Variants in PELP1 observed in about 807,000 individuals in gnomAD.
PELP1 encodes the protein proline, glutamate and leucine rich protein 1.
PELP1 carries 32 observed loss-of-function variants against 95.5 expected under a neutral mutation model. The observed-to-expected ratio is 0.34, with a 90% CI of 0.25 to 0.45. The LOEUF is 0.45. Ranked by LOEUF, PELP1 falls within the 20% of genes least tolerant of loss-of-function variation. The pLI is 1.00. For missense variants in PELP1, 1,358 were observed against 1,444.8 expected, an observed-to-expected ratio of 0.94 and a Z score of 0.97; for synonymous variants, 668 against 600.1, an observed-to-expected ratio of 1.11 and a Z score of -1.65.
At chr17:4,701,693 T>C (rs909839483) in intron 1 of PELP1, among the ~76,000 whole-genome samples, 2 of 152,214 alleles carry the variant, frequency 1.3e-5, no homozygotes, top group African/African-American at 4.8e-5. Flanking sequence ...CTGACTTTCA[T>C]TTCTCATCTT....
At position 4,672,720 on chromosome 17, in the gene PELP1, C is replaced by G. The variant is rs777027416; in HGVS notation, c.2271G>C (p.Gly757=). The G allele has an allele frequency of 3.1e-6, 5 of 1,613,418 alleles. No individual in the cohort carries two copies. The highest frequency in any genetic ancestry group is 1.7e-4 in the Middle Eastern group (1 of 6,052). Residue 757 remains glycine (G), a synonymous_variant, in exon 16 of 17, where the codon GGG becomes GGC. Transcript: ENST00000572293. The part of the protein sequence containing the change: ...PPTIPPDETF[G]GRVPRPAFVH... The stretch of plus-strand genomic sequence containing the variant: ...CAAAGGCTGGTCTGGGCACTCTCCC[C>G]CCAAAAGTTTCATCTGGGGGTATAG...
rs556867123 is a variant in PELP1 at position 4,669,926 on chromosome 17, G to A, written c.*1513C>T. The A allele has an allele frequency of 6.6e-5, 10 of 152,100 alleles. No individual in the cohort carries two copies. The highest frequency in any genetic ancestry group is 1.9e-4 in the African/African-American group (8 of 41,476). 9.4% of individuals were successfully genotyped at this position (152,100 alleles called of 1,614,324 possible). On this transcript the variant is annotated 3_prime_UTR_variant, in exon 17 of 17. Coordinates refer to ENST00000572293, the MANE Select transcript of PELP1 (RefSeq NM_014389.3). ...AAGAATCTGGGATGGGAAGGGCCAC[G>A]GTGTCTACAGCTTACTTTCACGTGG...
At chr17:4,683,284 G>A (rs1388241293) in intron 3 of PELP1, among the ~76,000 whole-genome samples, 12 of 148,334 alleles carry the variant, frequency 8.1e-5, no homozygotes, top group East Asian at 2.0e-4. Context: ...GCAGTGGCGC[G>A]ATCTCGGCTC....
At chr17:4,689,752 G>T (rs1390261782) in intron 3 of PELP1, among the ~76,000 whole-genome samples, 1 of 152,230 alleles carries the variant, frequency 6.6e-6, no homozygotes, top group Admixed American at 6.5e-5. Flanking sequence ...TGTGGGCCAG[G>T]AGTGGCGGCT....
In PELP1 at chr17:4,671,974, A is replaced by G. The variant is rs767200600; in HGVS notation, c.3017T>C (p.Leu1006Pro). The G allele has an allele frequency of 6.5e-7, 1 of 1,541,348 alleles. No individual in the cohort carries two copies. The highest frequency in any genetic ancestry group is 8.7e-7 in the Non-Finnish European group (1 of 1,148,690). ...QPEPEPEPGL[L>P]LEVEEPGTEE... Reference sequence around the variant, plus strand: ...CGTCCCTGGCTCCTCCACTTCCAAAAGCAGCCCGGGTTCAGGTTCGGGTTC... The same window carrying G: ...CGTCCCTGGCTCCTCCACTTCCAAAGGCAGCCCGGGTTCAGGTTCGGGTTC... The change falls in exon 16 of 17, where the codon CTT becomes CCT. Residue 1006 changes from leucine (L) to proline (P), a missense_variant. By Grantham distance (98) the Leu-to-Pro change is moderately conservative. Transcript: ENST00000572293.
intron 5 of PELP1, among the ~76,000 whole-genome samples, chr17:4,677,667 G>A (rs897181691): frequency 3.3e-5 from 5 of 152,156 alleles, no homozygotes; most frequent in South Asian, 4.1e-4. Flanking sequence ...AGTAGCTCAC[G>A]CCTGTAATCC....
At chr17:4,703,122 A>C (rs1913612740) in intron 1 of PELP1, among the ~76,000 whole-genome samples, 1 of 152,122 alleles carries the variant, frequency 6.6e-6, no homozygotes, top group South Asian at 2.1e-4. Context: ...ACCCGGCCTA[A>C]AACGCTCTGC....
chr17:4,682,300 T>C (rs1211476580), intron 5 of PELP1, among the ~76,000 whole-genome samples: 3 of 152,228 alleles, frequency 2.0e-5, no homozygotes, highest in African/African-American at 4.8e-5. Context: ...CTGCTGATCT[T>C]AGCAAGTTCT....
chr17:4,699,897 ATTTTTTT>A (rs34806511), intron 1 of PELP1, among the ~76,000 whole-genome samples: 1 of 86,740 alleles, frequency 1.2e-5, no homozygotes, highest in African/African-American at 4.7e-5. Flanking sequence ...CTAGAGGGTG[ATTTTTTT>A]TTTTTTTTTT....
intron 3 of PELP1, among the ~76,000 whole-genome samples, chr17:4,684,108 C>G (rs1324151200): frequency 6.6e-6 from 1 of 152,008 alleles, no homozygotes; most frequent in Non-Finnish European, 1.5e-5. Context: ...AAAGGACTTC[C>G]TTAGAAAATT....
At chr17:4,690,861 G>T in intron 3 of PELP1, 27 bp downstream of exon 3, 1 of 1,405,918 alleles carries the variant, frequency 7.1e-7, no homozygotes, top group Non-Finnish European at 1.0e-6. Flanking sequence ...GGAGGAGGAG[G>T]AAGTAGGGCA....
chr17:4,682,668 A>G (rs1353648158), intron 4 of PELP1, 95 bp from the exon 5 acceptor site: 14 of 1,447,566 alleles, frequency 9.7e-6, no homozygotes, highest in Non-Finnish European at 1.2e-5. Context: ...TTCTCCAGAA[A>G]TCACTTTTTC....
rs192741468 is a variant in PELP1, at chr17:4,674,992, G to C, written c.1275-36C>G. ...AGCAAAGATGGCAGTTATGAATGGG[G>C]GGTCAACATGCCAGAAGCCCCAGCC... On this transcript the variant is annotated intron_variant, in intron 11 of 16. Transcript: ENST00000572293. 10 of 1,605,434 alleles carry C rather than the reference G, an allele frequency of 6.2e-6. No individual in the cohort carries two copies. The African/African-American group carries it at 1.2e-4, about 19-fold the overall frequency.
intron 1 of PELP1, among the ~76,000 whole-genome samples, chr17:4,700,771 T>G (rs1913491507): frequency 6.7e-6 from 1 of 150,130 alleles, no homozygotes; most frequent in Admixed American, 6.7e-5. Context: ...CAAAAAAAAT[T>G]TTTAAATTAG....
At chr17:4,699,379 C>T (rs1323393874) in intron 1 of PELP1, among the ~76,000 whole-genome samples, 3 of 148,286 alleles carry the variant, frequency 2.0e-5, no homozygotes, top group African/African-American at 7.5e-5. Context: ...GACTCCATCT[C>T]AAAAAGAAAA....
At position 4,673,665 on chromosome 17, in the gene PELP1, C is replaced by T. The variant is rs760690670; in HGVS notation, c.1592G>A (p.Arg531Gln). The T allele has an allele frequency of 1.2e-5, 20 of 1,613,762 alleles. No individual in the cohort carries two copies. The highest frequency in any genetic ancestry group is 1.5e-5 in the Non-Finnish European group (18 of 1,179,718). Reference protein sequence around the residue: ...VCAAALRGLSRTILMCGPLIK... With the variant: ...VCAAALRGLSQTILMCGPLIK... ...GAGAGGCCCACACATGAGGATGGTC[C>T]GGCTGAGGCCTGGGGAAGAAGAATG... Residue 531 changes from arginine to glutamine, a missense_variant, in exon 14 of 17, where the codon CGG (arginine) becomes CAG (glutamine). Coordinates refer to ENST00000572293, the MANE Select transcript of PELP1 (RefSeq NM_014389.3). This position sits in a 1 kb window ranked among gnomAD's most constrained non-coding sequence, Gnocchi z 5.7.
intron 1 of PELP1, 55 bp downstream of exon 1, chr17:4,703,808 C>CA: frequency 6.7e-7 from 1 of 1,482,748 alleles, no homozygotes; most frequent in East Asian, 2.4e-5. Context: ...TCCCGGCGCA[C>CA]AGGTGCCGCG....
At chr17:4,677,730 AC>A (rs1259266471) in intron 5 of PELP1, among the ~76,000 whole-genome samples, 1 of 152,020 alleles carries the variant, frequency 6.6e-6, no homozygotes, top group Non-Finnish European at 1.5e-5. Context: ...GGAGTTTGAG[AC>A]CAGTCTGGGC....
At position 4,673,376 on chromosome 17, in the gene PELP1, G is replaced by A. The variant is rs1174908715; in HGVS notation, c.1719C>T (p.Ser573=). The change falls in exon 15 of 17, where the codon TCC becomes TCT. Residue 573 remains serine, a synonymous_variant. Coordinates refer to ENST00000572293, the MANE Select transcript of PELP1 (RefSeq NM_014389.3). The surrounding 1 kb of genome is among the most constrained non-coding windows in gnomAD (Gnocchi z 5.7). ...GGCAGTAGAGTTCACGGCGGCAGCG[G>A]GAGCTCGTGTACGGGGAGCTGCCTA... ...EVLGSSPYTS[S]RCRRELYCLL... The A allele has an allele frequency of 1.3e-6, 2 of 1,597,498 alleles. No homozygotes were observed. Among genetic ancestry groups the A allele is most frequent in the Non-Finnish European group, 8.5e-7 (1 of 1,172,560 alleles).
Sources: allele counts gnomAD v4.1 joint callset (sites outside exome capture counted in the v4.1 genomes callset), GRCh38; gene constraint gnomAD v4.1.1; non-coding constraint Gnocchi (gnomAD v3.1); transcripts MANE v1.5; gene names NCBI Gene and HGNC (gene_info 2026-07-23, HGNC 2026-07-21).